The following CTTNBP2 variants were observed in gnomAD, a reference collection of about 807,000 sequenced individuals.
CTTNBP2 encodes cortactin binding protein 2, also known as cortactin-binding protein 2.
A neutral mutation model predicts 156.9 loss-of-function variants in CTTNBP2; 108 were observed. The ratio of observed to expected loss-of-function variants is 0.69; its 90% CI spans 0.59 to 0.81. The LOEUF is 0.81. CTTNBP2 is among the 30% of genes least tolerant of loss of function. The pLI, the probability that CTTNBP2 is intolerant of heterozygous loss-of-function variation, is 0.00. For missense variants in CTTNBP2, 1,924 were observed against 2,035.4 expected, an observed-to-expected ratio of 0.95 and a Z score of 1.05; for synonymous variants, 767 against 751.8, an observed-to-expected ratio of 1.02 and a Z score of -0.33.
intron 1 of CTTNBP2, among the ~76,000 whole-genome samples, chr7:117,868,082 G>T (rs2117289667): frequency 6.6e-6 from 1 of 152,208 alleles, no homozygotes; most frequent in East Asian, 1.9e-4. Flanking sequence ...GGAAAAAAAG[G>T]ACTACATCTC....
intron 16 of CTTNBP2, among the ~76,000 whole-genome samples, chr7:117,732,869 G>A (rs1447046016): frequency 6.6e-6 from 1 of 152,044 alleles, no homozygotes; most frequent in East Asian, 1.9e-4. Context: ...TGATATCACT[G>A]TACTATCTGA....
At chr7:117,819,397 A>T (rs1200511382) in intron 2 of CTTNBP2, among the ~76,000 whole-genome samples, 5 of 151,158 alleles carry the variant, frequency 3.3e-5, no homozygotes, top group African/African-American at 4.9e-5. Context: ...ACACACACAC[A>T]CACACACACA....
intron 12 of CTTNBP2, among the ~76,000 whole-genome samples, chr7:117,753,325 A>G (rs2116605735): frequency 6.6e-6 from 1 of 152,344 alleles, no homozygotes; most frequent in African/African-American, 2.4e-5. Flanking sequence ...TAATCCAACC[A>G]CTGTGGAAGA....
chr7:117,767,281 T>C (rs1455627631), intron 8 of CTTNBP2, 105 bp from the exon 9 acceptor site: 2 of 718,866 alleles, frequency 2.8e-6, no homozygotes, highest in Non-Finnish European at 5.1e-6. Flanking sequence ...CAAGAATTCA[T>C]GGCTATAAAT....
chr7:117,868,397 G>A (rs1804352645), intron 1 of CTTNBP2, among the ~76,000 whole-genome samples: 1 of 152,142 alleles, frequency 6.6e-6, no homozygotes, highest in South Asian at 2.1e-4. Flanking sequence ...ACTCTACACA[G>A]CAATGTTACC....
intron 2 of CTTNBP2, among the ~76,000 whole-genome samples, chr7:117,860,857 T>C (rs2117245022): frequency 6.6e-6 from 1 of 152,328 alleles, no homozygotes; most frequent in Middle Eastern, 3.4e-3. Flanking sequence ...TTTTCCTCAC[T>C]GCCCTCACAT....
intron 2 of CTTNBP2, among the ~76,000 whole-genome samples, chr7:117,845,376 G>A (rs1802522870): frequency 6.6e-6 from 1 of 152,164 alleles, no homozygotes; most frequent in African/African-American, 2.4e-5. Flanking sequence ...TGTAGAGCAT[G>A]TTCCCATTTT....
chr7:117,769,547 T>TA (rs1769421195), intron 8 of CTTNBP2, among the ~76,000 whole-genome samples: 1 of 152,194 alleles, frequency 6.6e-6, no homozygotes, highest in Non-Finnish European at 1.5e-5. Flanking sequence ...AAGTAAATCT[T>TA]AAAGAGAAGT....
chr7:117,812,081 A>G (rs1268442780), intron 2 of CTTNBP2, among the ~76,000 whole-genome samples: 3 of 152,114 alleles, frequency 2.0e-5, no homozygotes, highest in Non-Finnish European at 4.4e-5. Context: ...ACAGAATCCC[A>G]GGAAAGTATG....
chr7:117,839,868 C>T (rs1472149710), intron 2 of CTTNBP2, among the ~76,000 whole-genome samples: 1 of 152,130 alleles, frequency 6.6e-6, no homozygotes, highest in Admixed American at 6.5e-5. Flanking sequence ...ATCTATAAAA[C>T]TTTTTATGAC....
intron 3 of CTTNBP2, among the ~76,000 whole-genome samples, chr7:117,807,881 C>T (rs1057372504): frequency 2.6e-5 from 4 of 152,178 alleles, no homozygotes; most frequent in African/African-American, 7.2e-5. Context: ...TGCTGAACCA[C>T]GATGTAAGCC....
At chr7:117,854,219 C>T (rs1043993163) in intron 2 of CTTNBP2, among the ~76,000 whole-genome samples, 3 of 152,180 alleles carry the variant, frequency 2.0e-5, no homozygotes, top group Non-Finnish European at 2.9e-5. Context: ...ATAAATTCAG[C>T]TCTGCTCAGC....
chr7:117,854,943 CCTGG>C lies in CTTNBP2; in HGVS notation c.189+6262_189+6265del, dbSNP rs554176044. On this transcript the variant is annotated intron_variant, in intron 2 of 22. Coordinates refer to ENST00000160373, the MANE Select transcript of CTTNBP2 (RefSeq NM_033427.3). Reference sequence around the variant, plus strand: ...GGGATTACAGGTGTGTGCCACTGCACCTGGCTAATTTTTGTACTTTTAGTAGAGA... The same window carrying C: ...GGGATTACAGGTGTGTGCCACTGCACCTAATTTTTGTACTTTTAGTAGAGA... 1.6e-4 allele frequency among the ~76,000 whole-genome samples: 25 copies of C among 152,218 alleles called. No individual in the cohort carries two copies. In the South Asian group the frequency reaches 4.6e-3, roughly 28 times the overall value.
At chr7:117,795,979 T>TA (rs1392430071) in intron 3 of CTTNBP2, among the ~76,000 whole-genome samples, 1 of 152,192 alleles carries the variant, frequency 6.6e-6, no homozygotes, top group East Asian at 1.9e-4. Context: ...TTCAAACCTC[T>TA]ACCTTTCCCC....
At chr7:117,746,200 T>C (rs1349234266) in intron 12 of CTTNBP2, 101 bp from the exon 13 acceptor site, 2 of 744,184 alleles carry the variant, frequency 2.7e-6, no homozygotes, top group Non-Finnish European at 4.6e-6. Flanking sequence ...GTCCTCATAC[T>C]TTCAAAAGAT....
rs528545257 is a variant in CTTNBP2, at chr7:117,784,403, A to G, written c.2120T>C (p.Leu707Pro). The G allele has an allele frequency of 1.3e-6, 2 of 1,564,246 alleles. No homozygotes were observed. The highest frequency in any genetic ancestry group is 2.8e-5 in the African/African-American group (2 of 72,598). ...CTGAAGAAGGGTGGGCCTGCCAGCC[A>G]GGGGGGCAGGACCACCACTCATTAG... ...PLLMSGGPAP[L>P]AGRPTLLQQA... The change falls in exon 5 of 23, where the codon CTG (leucine) becomes CCG (proline). Residue 707 changes from leucine to proline, a missense_variant. By Grantham distance (98) the Leu-to-Pro change is moderately conservative (BLOSUM62 -3). Coordinates refer to ENST00000160373, the MANE Select transcript of CTTNBP2 (RefSeq NM_033427.3).
At chr7:117,868,520 A>C (rs533572117) in intron 1 of CTTNBP2, among the ~76,000 whole-genome samples, 1 of 152,346 alleles carries the variant, frequency 6.6e-6, no homozygotes, top group South Asian at 2.1e-4. Context: ...CAGGATTTCT[A>C]TATGGAAGGC....
At chr7:117,765,305 T>C (rs1797428299) in intron 9 of CTTNBP2, among the ~76,000 whole-genome samples, 1 of 152,234 alleles carries the variant, frequency 6.6e-6, no homozygotes, top group Non-Finnish European at 1.5e-5. Context: ...AATCATAATC[T>C]AAATGCATAT....
At chr7:117,780,700 A>G (rs1003619411) in intron 6 of CTTNBP2, 109 bp from the exon 7 acceptor site, 2 of 534,288 alleles carry the variant, frequency 3.7e-6, no homozygotes, top group African/African-American at 2.0e-5. Context: ...ATCTTTATAT[A>G]CATCAATTGT....
Sources: allele counts gnomAD v4.1 joint callset (sites outside exome capture counted in the v4.1 genomes callset), GRCh38; gene constraint gnomAD v4.1.1; transcripts MANE v1.5; gene names NCBI Gene and HGNC (gene_info 2026-07-23, HGNC 2026-07-21).